The following KCNAB1 variants were observed in gnomAD, a reference collection of about 807,000 sequenced individuals.
The protein encoded by KCNAB1 is potassium voltage-gated channel subfamily A regulatory beta subunit 1.
In KCNAB1, 35 loss-of-function variants were observed where a neutral mutation model predicts 64.6. The observed-to-expected ratio is 0.54, with a 90% CI of 0.41 to 0.72. KCNAB1 has a LOEUF of 0.72. Ranked by LOEUF, KCNAB1 falls within the 30% of genes least tolerant of loss-of-function variation. The pLI is 0.00. For missense variants in KCNAB1, 401 were observed against 512.9 expected, an observed-to-expected ratio of 0.78 and a Z score of 2.11; for synonymous variants, 177 against 183.8, an observed-to-expected ratio of 0.96 and a Z score of 0.30.
chr3:156,292,969 G>A (rs964377397), intron 1 of KCNAB1, among the ~76,000 whole-genome samples: 3 of 152,168 alleles, frequency 2.0e-5, no homozygotes, highest in African/African-American at 7.2e-5. Context: ...CTAAATTACT[G>A]CTTGAAATTA....
chr3:156,414,576 G>A (rs182741614), intron 1 of KCNAB1, among the ~76,000 whole-genome samples: 33 of 152,270 alleles, frequency 2.2e-4, no homozygotes, highest in Admixed American at 1.9e-3. Flanking sequence ...AGTACTTATG[G>A]GGTTTCTTGC....
intron 1 of KCNAB1, among the ~76,000 whole-genome samples, chr3:156,300,133 C>T (rs73014145): frequency 0.15 from 22,306 of 152,172 alleles, 4,436 homozygotes; most frequent in African/African-American, 0.45. Context: ...GAGGGAGATT[C>T]TCTCCCATTC....
At chr3:156,487,032 T>C (rs1239089980) in intron 8 of KCNAB1, among the ~76,000 whole-genome samples, 2 of 152,326 alleles carry the variant, frequency 1.3e-5, no homozygotes, top group Non-Finnish European at 2.9e-5. Flanking sequence ...TCATTAGTTA[T>C]GCTTGTTACA....
At chr3:156,468,664 C>G (rs972157698) in intron 7 of KCNAB1, among the ~76,000 whole-genome samples, 2 of 152,148 alleles carry the variant, frequency 1.3e-5, no homozygotes, top group African/African-American at 4.8e-5. Context: ...AAGCACTTAA[C>G]GCATGTTATT....
At chr3:156,316,596 G>A (rs1019869875) in intron 1 of KCNAB1, among the ~76,000 whole-genome samples, 1 of 152,198 alleles carries the variant, frequency 6.6e-6, no homozygotes, top group Non-Finnish European at 1.5e-5. Context: ...AGAGTTAAGG[G>A]CAGTCAACAA....
chr3:156,530,291 A>G (rs1256457205), intron 12 of KCNAB1, among the ~76,000 whole-genome samples: 1 of 152,226 alleles, frequency 6.6e-6, no homozygotes, highest in Non-Finnish European at 1.5e-5. Flanking sequence ...GAAACCGCAC[A>G]CATCCTCTTC....
chr3:156,418,920 C>G (rs1006908708), intron 1 of KCNAB1, among the ~76,000 whole-genome samples: 3 of 152,212 alleles, frequency 2.0e-5, no homozygotes, highest in African/African-American at 7.2e-5. Context: ...CAGTATTAGT[C>G]TGTAACTGAA....
intron 3 of KCNAB1, among the ~76,000 whole-genome samples, chr3:156,454,710 G>C (rs1712259980): frequency 6.6e-6 from 1 of 152,134 alleles, no homozygotes; most frequent in Non-Finnish European, 1.5e-5. Flanking sequence ...AAGCAGGGAG[G>C]GAGGCCTACA....
chr3:156,273,738 T>C (rs767056183), intron 1 of KCNAB1: 106 of 442,582 alleles, frequency 2.4e-4, no homozygotes, highest in Non-Finnish European at 4.4e-4. Flanking sequence ...TGTAGATAGT[T>C]GTCAGATTTG....
intron 1 of KCNAB1, among the ~76,000 whole-genome samples, chr3:156,327,622 T>C (rs907627823): frequency 1.3e-5 from 2 of 152,124 alleles, no homozygotes; most frequent in Non-Finnish European, 2.9e-5. Flanking sequence ...CAAGCATTCA[T>C]TGTAGCATGG....
chr3:156,284,278 C>T (rs990633198), intron 1 of KCNAB1, among the ~76,000 whole-genome samples: 68 of 152,178 alleles, frequency 4.5e-4, no homozygotes, highest in African/African-American at 1.3e-3. Flanking sequence ...TTAGGCTGCT[C>T]AGGGGTCAGG....
In KCNAB1 at chr3:156,264,191, T is replaced by G. The variant is rs184308624; in HGVS notation, c.275+143305T>G. Among the ~76,000 whole-genome samples the G allele has an allele frequency of 5.3e-5, 8 of 152,256 alleles. No homozygotes were observed. In the East Asian group the frequency reaches 1.5e-3, roughly 29 times the overall value. On this transcript the variant is annotated intron_variant, in intron 1 of 13. Transcript: ENST00000490337. Reference sequence around the variant, plus strand: ...TTTGATAACATTTTTTATCTTAAAATTTGTTTTGTTTGACAGTAATATAGT... The same window carrying G: ...TTTGATAACATTTTTTATCTTAAAAGTTGTTTTGTTTGACAGTAATATAGT...
chr3:156,174,718 T>TGGAG (rs1300915486), intron 1 of KCNAB1, among the ~76,000 whole-genome samples: 3 of 152,174 alleles, frequency 2.0e-5, no homozygotes, highest in Admixed American at 6.5e-5. Flanking sequence ...TTAGCCAATG[T>TGGAG]GGTCGCTTCC....
At chr3:156,434,580 G>A (rs921246426) in intron 2 of KCNAB1, among the ~76,000 whole-genome samples, 5 of 152,034 alleles carry the variant, frequency 3.3e-5, no homozygotes, top group Non-Finnish European at 7.3e-5. Flanking sequence ...AAGTTTCTGA[G>A]ATTGGGTGAG....
chr3:156,160,027 CAT>C (rs1715983092), intron 1 of KCNAB1, among the ~76,000 whole-genome samples: 1 of 152,186 alleles, frequency 6.6e-6, no homozygotes, highest in Non-Finnish European at 1.5e-5. Context: ...ACAGTCATAA[CAT>C]AGTAGAGCAA....
In KCNAB1 at chr3:156,462,542, G is replaced by A. The variant is rs1576897975; in HGVS notation, c.483-1160G>A. ...GTATTTATCGACCTTCCATTATAGTGATTCAAATTACTTTTGGGGGGATTC... is the reference window on the plus strand; with the variant it reads ...GTATTTATCGACCTTCCATTATAGTAATTCAAATTACTTTTGGGGGGATTC... On this transcript the variant is annotated intron_variant, in intron 5 of 13. Coordinates refer to ENST00000490337, the MANE Select transcript of KCNAB1 (RefSeq NM_172160.3). 2.0e-5 allele frequency among the ~76,000 whole-genome samples: 3 copies of A among 152,274 alleles called. No individual in the cohort carries two copies. The South Asian group carries it at 6.2e-4, about 32-fold the overall frequency.
intron 1 of KCNAB1, 47 bp from the exon 2 acceptor site, chr3:156,421,569 T>C: frequency 6.3e-7 from 1 of 1,591,454 alleles, no homozygotes; most frequent in South Asian, 1.1e-5. Context: ...CATGTACAGT[T>C]CCACCTGAGG....
intron 1 of KCNAB1, among the ~76,000 whole-genome samples, chr3:156,222,834 G>A (rs1477281475): frequency 2.6e-5 from 4 of 152,152 alleles, no homozygotes; most frequent in African/African-American, 9.7e-5. Context: ...AATGATTGTT[G>A]GGTCAACAAT....
chr3:156,444,923 C>T (rs1341265894), intron 2 of KCNAB1, among the ~76,000 whole-genome samples: 1 of 152,188 alleles, frequency 6.6e-6, no homozygotes, highest in Middle Eastern at 3.2e-3. Flanking sequence ...GTTATTTAAA[C>T]TTTGGGCATG....
Sources: gnomAD v4.1 joint callset for allele counts (sites outside exome capture counted in the v4.1 genomes callset) on GRCh38, gnomAD v4.1.1 for gene constraint, MANE v1.5 for transcripts, NCBI Gene and HGNC (gene_info 2026-07-23, HGNC 2026-07-21) for gene names.